SSBP3: variants seen among roughly 807,000 people sequenced by gnomAD.
SSBP3 encodes single stranded DNA binding protein 3, also known as single-stranded DNA-binding protein 3.
In SSBP3, 5 loss-of-function variants were observed where a neutral mutation model predicts 69.6. That is an observed-to-expected ratio of 0.07 (90% CI 0.04 to 0.15). SSBP3 has a LOEUF of 0.15. SSBP3 is among the 10% of genes least tolerant of loss of function. The probability of loss-of-function intolerance (pLI) is 1.00; values close to 1 mark genes in which losing one functional copy is unlikely to be tolerated. For missense variants in SSBP3, 312 were observed against 534.0 expected (o/e 0.58, Z 4.10); for synonymous variants, 196 against 193.4 (o/e 1.01, Z -0.11).
intron 4 of SSBP3, among the ~76,000 whole-genome samples, chr1:54,311,389 T>C (rs1318899013): frequency 6.6e-6 from 1 of 152,182 alleles, no homozygotes; most frequent in Non-Finnish European, 1.5e-5. Flanking sequence ...CAAGCCCTAC[T>C]GGGCCCCCAG....
intron 4 of SSBP3, among the ~76,000 whole-genome samples, chr1:54,370,406 C>T (rs576239667): frequency 5.8e-4 from 89 of 152,210 alleles, no homozygotes; most frequent in East Asian, 7.7e-4. Context: ...ATTCTGAACC[C>T]GGGTTGGCAG....
chr1:54,289,020 C>CAAA (rs777871964), intron 4 of SSBP3, among the ~76,000 whole-genome samples: 1,901 of 43,722 alleles, frequency 0.043, 249 homozygotes, highest in East Asian at 0.3. Flanking sequence ...ACTCTGTCTC[C>CAAA]AAAAAAAAAA....
In SSBP3 at chr1:54,369,801, C is replaced by A. The variant is rs1288318872; in HGVS notation, c.276+32060G>T. 3.8e-5 allele frequency among the ~76,000 whole-genome samples: 5 copies of A among 130,738 alleles called. No individual in the cohort carries two copies. The East Asian group carries it at 1.6e-3, about 41-fold the overall frequency. The allele number at this position is 130,738 out of a possible 152,430, so 85.8% of individuals were successfully genotyped here. A position where few individuals can be genotyped will look rare whatever the true frequency, so the allele number is the denominator to read the frequency against. Reference sequence around the variant, plus strand: ...CTCACCAACCAGTCTGAGAACGTGACCCTGTCCCTTTGGTTGAGATGGGAT... The same window carrying A: ...CTCACCAACCAGTCTGAGAACGTGAACCTGTCCCTTTGGTTGAGATGGGAT... On this transcript the variant is annotated intron_variant, in intron 4 of 17. Transcript: ENST00000610401.
intron 1 of SSBP3, among the ~76,000 whole-genome samples, chr1:54,411,908 A>G (rs12129970): frequency 0.098 from 14,573 of 149,346 alleles, 1,296 homozygotes; most frequent in Admixed American, 0.29. Context: ...AAAAAAAAAA[A>G]AGCAGAAGGC....
At chr1:54,377,653 C>G (rs144008032) in intron 4 of SSBP3, among the ~76,000 whole-genome samples, 122 of 152,284 alleles carry the variant, frequency 8.0e-4, no homozygotes, top group African/African-American at 2.9e-3. Context: ...TTTAAATGTT[C>G]TAATGGATTC....
intron 4 of SSBP3, among the ~76,000 whole-genome samples, chr1:54,316,291 C>T (rs1206747708): frequency 1.3e-5 from 2 of 151,352 alleles, no homozygotes; most frequent in African/African-American, 2.4e-5. Context: ...TGCAGTGAGC[C>T]AAGATCGCGC....
At chr1:54,294,319 C>A (rs953181763) in intron 4 of SSBP3, among the ~76,000 whole-genome samples, 1 of 152,056 alleles carries the variant, frequency 6.6e-6, no homozygotes, top group African/African-American at 2.4e-5. Context: ...CTCGCCCCTC[C>A]CCTCCAAATA....
chr1:54,282,711 C>T (rs1324801961), intron 4 of SSBP3, among the ~76,000 whole-genome samples: 6 of 152,238 alleles, frequency 3.9e-5, no homozygotes, highest in South Asian at 2.1e-4. Context: ...TACCTGGAAC[C>T]GGGCCCTGCT....
chr1:54,253,797 C>T (rs771082579), intron 7 of SSBP3, among the ~76,000 whole-genome samples: 8 of 152,192 alleles, frequency 5.3e-5, no homozygotes, highest in Non-Finnish European at 8.8e-5. Context: ...GCAGGACCAC[C>T]CCATCCAACC....
chr1:54,374,944 G>A (rs1349366287), intron 4 of SSBP3, among the ~76,000 whole-genome samples: 1 of 152,212 alleles, frequency 6.6e-6, no homozygotes, highest in Admixed American at 6.5e-5. Context: ...GGGAGGGGAC[G>A]AGAGCATCCC....
chr1:54,383,978 C>T (rs1441949137), intron 4 of SSBP3, among the ~76,000 whole-genome samples: 4 of 151,976 alleles, frequency 2.6e-5, no homozygotes, highest in South Asian at 2.1e-4. Context: ...TGGTGGCAGG[C>T]GCCTGTAGTC....
chr1:54,289,259 G>A (rs1416958483), intron 4 of SSBP3, among the ~76,000 whole-genome samples: 4 of 152,040 alleles, frequency 2.6e-5, no homozygotes, highest in Non-Finnish European at 5.9e-5. Context: ...ACTTCAATGA[G>A]TTGGCATTCA....
At chr1:54,387,350 C>T (rs920606155) in intron 4 of SSBP3, among the ~76,000 whole-genome samples, 3 of 152,200 alleles carry the variant, frequency 2.0e-5, no homozygotes, top group Non-Finnish European at 4.4e-5. Flanking sequence ...CTGCCAAAAA[C>T]CAAGCCATGC....
chr1:54,230,876 C>T (rs746903987), intron 14 of SSBP3, among the ~76,000 whole-genome samples: 7 of 152,174 alleles, frequency 4.6e-5, no homozygotes, highest in Non-Finnish European at 7.3e-5. Context: ...AGTAGTCCAC[C>T]GTATGGATAT....
At chr1:54,344,443 C>T (rs749396933) in intron 4 of SSBP3, among the ~76,000 whole-genome samples, 2 of 152,144 alleles carry the variant, frequency 1.3e-5, no homozygotes, top group Non-Finnish European at 2.9e-5. Flanking sequence ...TCAAGCCACT[C>T]CCAGAAAAGG....
chr1:54,240,107 T>C (rs55982880), intron 13 of SSBP3, among the ~76,000 whole-genome samples: 67,719 of 134,350 alleles, frequency 0.5, 17,084 homozygotes, highest in South Asian at 0.64. Context: ...CGCGTGTGCG[T>C]GCGCGCGCGC....
chr1:54,301,974 G>A (rs1046569076), intron 4 of SSBP3, among the ~76,000 whole-genome samples: 1 of 152,220 alleles, frequency 6.6e-6, no homozygotes, highest in Non-Finnish European at 1.5e-5. Context: ...ACCAATCCCT[G>A]GGAAAGAGGA....
chr1:54,302,170 C>T (rs1012476571), intron 4 of SSBP3, among the ~76,000 whole-genome samples: 14 of 152,272 alleles, frequency 9.2e-5, no homozygotes, highest in African/African-American at 3.1e-4. Flanking sequence ...CCCCTCCAGC[C>T]TGTAAGCAGG....
At chr1:54,276,736 C>T (rs1645295962) in intron 5 of SSBP3, among the ~76,000 whole-genome samples, 1 of 152,052 alleles carries the variant, frequency 6.6e-6, no homozygotes, top group African/African-American at 2.4e-5. Context: ...ACAGATCTGG[C>T]CAAGACATTA....
Sources: allele counts gnomAD v4.1 joint callset (sites outside exome capture counted in the v4.1 genomes callset), GRCh38; gene constraint gnomAD v4.1.1; transcripts MANE v1.5; gene names NCBI Gene and HGNC (gene_info 2026-07-23, HGNC 2026-07-21).